Variants in APAF1 observed in about 807,000 individuals in gnomAD.
APAF1 encodes apoptotic peptidase activating factor 1.
A neutral mutation model predicts 152.4 loss-of-function variants in APAF1; 91 were observed. That is an observed-to-expected ratio of 0.60 (90% CI 0.50 to 0.71). APAF1 has a LOEUF of 0.71. Ranked by LOEUF, APAF1 falls within the 30% of genes least tolerant of loss-of-function variation. The pLI, the probability that APAF1 is intolerant of heterozygous loss-of-function variation, is 0.00. For missense variants in APAF1, 1,283 were observed against 1,472.0 expected (o/e 0.87, Z 2.10); for synonymous variants, 484 against 494.1 (o/e 0.98, Z 0.27).
chr12:98,704,173 C>G (rs1349545699), intron 18 of APAF1, among the ~76,000 whole-genome samples: 1 of 151,872 alleles, frequency 6.6e-6, no homozygotes, highest in African/African-American at 2.4e-5. Context: ...CTGTGTTGCC[C>G]AGGCTGGTCT....
At chr12:98,665,173 G>A (rs2097670549) in intron 7 of APAF1, among the ~76,000 whole-genome samples, 1 of 149,334 alleles carries the variant, frequency 6.7e-6, no homozygotes, top group Admixed American at 6.7e-5. Flanking sequence ...GGCACTATAG[G>A]CACACACCAC....
chr12:98,686,980 C>A, intron 16 of APAF1, 107 bp downstream of exon 16: 1 of 1,142,724 alleles, frequency 8.8e-7, no homozygotes, highest in Non-Finnish European at 1.3e-6. Context: ...AAAGAGCCTG[C>A]TTCTTTCAAT....
chr12:98,666,430 A>G (rs2097672823), intron 9 of APAF1, 73 bp downstream of exon 9: 2 of 1,436,920 alleles, frequency 1.4e-6, no homozygotes, highest in Non-Finnish European at 1.9e-6. Context: ...GAAAATTTAC[A>G]AAATAGTAGA....
intron 18 of APAF1, among the ~76,000 whole-genome samples, chr12:98,704,947 T>C (rs139660301): frequency 1.3e-5 from 2 of 150,716 alleles, no homozygotes; most frequent in African/African-American, 4.9e-5. Context: ...GCCCGGCTAA[T>C]TTTTTTTTGT....
intron 26 of APAF1, among the ~76,000 whole-genome samples, chr12:98,730,104 A>T (rs181594492): frequency 2.4e-4 from 37 of 152,316 alleles, no homozygotes; most frequent in African/African-American, 8.2e-4. Context: ...ATCAATAAAA[A>T]TTTTTTTAAA....
chr12:98,652,730 G>A (rs1369813441), intron 4 of APAF1, among the ~76,000 whole-genome samples: 3 of 151,962 alleles, frequency 2.0e-5, no homozygotes, highest in Non-Finnish European at 4.4e-5. Context: ...AGGTTCAAGC[G>A]ATTGTCCTGC....
At chr12:98,678,604 A>T (rs2097689020) in intron 13 of APAF1, among the ~76,000 whole-genome samples, 1 of 152,200 alleles carries the variant, frequency 6.6e-6, no homozygotes, top group South Asian at 2.1e-4. Flanking sequence ...CCCCTGGTGC[A>T]GCTGTAGCTG....
chr12:98,728,292 C>T (rs557211516), intron 26 of APAF1, among the ~76,000 whole-genome samples: 6 of 152,296 alleles, frequency 3.9e-5, no homozygotes, highest in African/African-American at 1.4e-4. Flanking sequence ...ATAATAGCAG[C>T]AGTATATGGC....
chr12:98,722,560 C>T (rs541829471), intron 22 of APAF1, among the ~76,000 whole-genome samples: 1 of 152,264 alleles, frequency 6.6e-6, no homozygotes, highest in South Asian at 2.1e-4. Context: ...GTCTCAGATA[C>T]GTTTGTATGC....
chr12:98,667,443 A>G, intron 9 of APAF1, 70 bp from the exon 10 acceptor site: 1 of 1,576,860 alleles, frequency 6.3e-7, no homozygotes, highest in Middle Eastern at 1.7e-4. Flanking sequence ...TAGCTTTGGA[A>G]GCTGAAGTTA....
chr12:98,655,435 C>T (rs530294159), intron 4 of APAF1, among the ~76,000 whole-genome samples: 2 of 150,584 alleles, frequency 1.3e-5, no homozygotes, highest in African/African-American at 4.9e-5. Context: ...ACCTCCCGGA[C>T]GGGGCGGCCG....
At chr12:98,683,108 T>G in intron 14 of APAF1, 35 bp from the exon 15 acceptor site, 10 of 1,562,078 alleles carry the variant, frequency 6.4e-6, no homozygotes, top group South Asian at 1.1e-5. Context: ...TTGAAAATAA[T>G]GGATATTTGT....
At position 98,662,517 on chromosome 12, in the gene APAF1, T is replaced by A. The variant is rs746875464; in HGVS notation, c.772T>A (p.Cys258Ser). 6.3e-5 allele frequency: 101 copies of A among 1,613,688 alleles called. No individual in the cohort carries two copies. Among genetic ancestry groups the A allele is most frequent in the Non-Finnish European group, 8.1e-5 (96 of 1,179,768 alleles). The change falls in exon 6 of 27, where the codon TGT (cysteine) becomes AGT (serine). Residue 258 changes from cysteine to serine, a missense_variant. Coordinates refer to ENST00000551964, the MANE Select transcript of APAF1 (RefSeq NM_181861.2). ...SWVLKAFDSQ[C>S]QILLTTRDKS... is the part of the protein sequence containing the mutation. Reference sequence around the variant, plus strand: ...GGTGTTGAAAGCTTTTGACAGTCAGTGTCAGATTCTTCTTACAACCAGAGA... The same window carrying A: ...GGTGTTGAAAGCTTTTGACAGTCAGAGTCAGATTCTTCTTACAACCAGAGA...
intron 16 of APAF1, among the ~76,000 whole-genome samples, chr12:98,696,958 G>C (rs1444000089): frequency 6.6e-6 from 1 of 152,202 alleles, no homozygotes; most frequent in Non-Finnish European, 1.5e-5. Context: ...TAAGTGAACA[G>C]ATGAACCATG....
intron 10 of APAF1, 51 bp downstream of exon 10, chr12:98,667,695 T>C (rs1220982538): frequency 6.3e-7 from 1 of 1,586,052 alleles, no homozygotes; most frequent in African/African-American, 1.3e-5. Context: ...TTTTTCCATA[T>C]GTATTACAAA....
intron 22 of APAF1, among the ~76,000 whole-genome samples, chr12:98,722,729 A>G (rs1002535624): frequency 6.6e-6 from 1 of 152,056 alleles, no homozygotes; most frequent in African/African-American, 2.4e-5. Context: ...AAGCTTGGGA[A>G]CTCTTGTGTT....
At chr12:98,678,916 T>A (rs1201189682) in intron 13 of APAF1, among the ~76,000 whole-genome samples, 1 of 152,160 alleles carries the variant, frequency 6.6e-6, no homozygotes, top group Non-Finnish European at 1.5e-5. Context: ...AGTTTGATAC[T>A]GGCCTGCAGG....
chr12:98,673,381 A>T (rs2097682662), intron 12 of APAF1, among the ~76,000 whole-genome samples: 1 of 150,412 alleles, frequency 6.6e-6, no homozygotes, highest in African/African-American at 2.5e-5. Flanking sequence ...GACTGCAGTG[A>T]GCCGAGATTG....
chr12:98,653,966 A>G (rs1428976417), intron 4 of APAF1, among the ~76,000 whole-genome samples: 1 of 151,744 alleles, frequency 6.6e-6, no homozygotes, highest in Non-Finnish European at 1.5e-5. Flanking sequence ...TTAGATTATT[A>G]ATTGCTACCA....
Sources: allele counts gnomAD v4.1 joint callset (sites outside exome capture counted in the v4.1 genomes callset), GRCh38; gene constraint gnomAD v4.1.1; transcripts MANE v1.5; gene names NCBI Gene and HGNC (gene_info 2026-07-23, HGNC 2026-07-21).